EXPH5: variants seen among roughly 807,000 people sequenced by gnomAD.
The protein encoded by EXPH5 is exophilin-5.
EXPH5 carries 42 observed loss-of-function variants against 41.1 expected under a neutral mutation model. The observed-to-expected ratio is 1.02, with a 90% CI of 0.80 to 1.32. The LOEUF is 1.32. Among genes scored for constraint, EXPH5 ranks in the 40% most tolerant of loss-of-function variants. The probability of loss-of-function intolerance (pLI) is 0.00; values close to 1 mark genes in which losing one functional copy is unlikely to be tolerated. For missense variants in EXPH5, 2,298 were observed against 2,314.5 expected, an observed-to-expected ratio of 0.99 and a Z score of 0.15; for synonymous variants, 798 against 833.5, an observed-to-expected ratio of 0.96 and a Z score of 0.73.
chr11:108,541,636 A>C lies in EXPH5; in HGVS notation c.280+16T>G. On this transcript the variant is annotated intron_variant, in intron 2 of 5. Transcript: ENST00000265843. ...AAACAAAGAAATCAACTTTAAATCT[A>C]AAATCTTTTTCTTACCATTTTTTGC... 1 of 1,568,188 alleles carries C rather than the reference A, an allele frequency of 6.4e-7. No homozygotes were observed. The highest frequency in any genetic ancestry group is 8.7e-7 in the Non-Finnish European group (1 of 1,148,634).
At chr11:108,603,913 CTT>C in the EXPH5 span, among the ~76,000 whole-genome samples, 1 of 152,140 alleles carries the variant, frequency 6.6e-6, no homozygotes, top group African/African-American at 2.4e-5. Context: ...CGAACACAGA[CTT>C]CAGAGATCTT....
rs1332077133 is a variant in EXPH5 at position 108,593,696 on chromosome 11, C to T, written c.-160G>A. 3 of 1,546,896 alleles carry T rather than the reference C, an allele frequency of 1.9e-6. No homozygotes were observed. Among genetic ancestry groups the T allele is most frequent in the South Asian group, 2.3e-5 (2 of 85,872 alleles). ...AAACCACAAACCTAGGGAACGCCCACACCTGAAGGGCTCATATTGACAATA... is the reference window on the plus strand; with the variant it reads ...AAACCACAAACCTAGGGAACGCCCATACCTGAAGGGCTCATATTGACAATA... On this transcript the variant is annotated 5_prime_UTR_variant, in exon 1 of 6. It adds an upstream start codon to the 5' untranslated region. Coordinates refer to ENST00000265843, the MANE Select transcript of EXPH5 (RefSeq NM_015065.3).
At chr11:108,547,235 C>T (rs1244360002) in intron 1 of EXPH5, among the ~76,000 whole-genome samples, 1 of 151,976 alleles carries the variant, frequency 6.6e-6, no homozygotes, top group Non-Finnish European at 1.5e-5. Context: ...ACTCTGTTTT[C>T]CAGGCTGGAG....
chr11:108,591,796 T>C (rs2094128174), intron 1 of EXPH5, among the ~76,000 whole-genome samples: 1 of 152,106 alleles, frequency 6.6e-6, no homozygotes, highest in Admixed American at 6.5e-5. Flanking sequence ...TGAGTTGCAA[T>C]AGAGAAAACA....
chr11:108,579,860 G>C (rs1016873760), intron 1 of EXPH5, among the ~76,000 whole-genome samples: 1 of 152,080 alleles, frequency 6.6e-6, no homozygotes. Context: ...GTAGGAAAAG[G>C]GTTTTCTGGC....
At chr11:108,515,025 T>A (rs1264648365) in intron 5 of EXPH5, 150 bp from the exon 6 acceptor site, 1 of 456,108 alleles carries the variant, frequency 2.2e-6, no homozygotes, top group African/African-American at 2.0e-5. Context: ...TTTGATTATA[T>A]TTTTAAGATA....
intron 1 of EXPH5, among the ~76,000 whole-genome samples, chr11:108,545,996 T>C (rs1418885932): frequency 3.3e-5 from 5 of 151,346 alleles, no homozygotes; most frequent in African/African-American, 4.9e-5. Flanking sequence ...TGAGATGACA[T>C]AGGGCTGGAA....
the EXPH5 span, among the ~76,000 whole-genome samples, chr11:108,599,888 C>T: frequency 6.6e-6 from 1 of 152,226 alleles, no homozygotes; most frequent in African/African-American, 2.4e-5. Flanking sequence ...GAAGGAATGC[C>T]ATGCCTGCTC....
chr11:108,541,488 C>CT (rs547897353), intron 2 of EXPH5, among the ~76,000 whole-genome samples, 164 bp downstream of exon 2: 65 of 148,560 alleles, frequency 4.4e-4, no homozygotes, highest in Middle Eastern at 3.5e-3. Flanking sequence ...TTTCAGTTCA[C>CT]TTTTTTTTTT....
the EXPH5 span, among the ~76,000 whole-genome samples, chr11:108,603,493 A>G: frequency 2.6e-5 from 4 of 152,340 alleles, no homozygotes; most frequent in African/African-American, 9.6e-5. Flanking sequence ...CCTGGGCAAC[A>G]TAGTGAGAAT....
At position 108,514,272 on chromosome 11, in the gene EXPH5, T is replaced by C; in HGVS notation, c.1235A>G (p.Asn412Ser). The change falls in exon 6 of 6, where the codon AAT becomes AGT. Residue 412 changes from asparagine to serine, a missense_variant. Coordinates refer to ENST00000265843, the MANE Select transcript of EXPH5 (RefSeq NM_015065.3). ...KYVYPRGFQE[N>S]KRYESYHSQN... is the part of the protein sequence containing the mutation. ...TGAATGGTACGATTCATATCTCTTA[T>C]TCTCCTGAAAACCCCTGGGATACAC... 6.2e-7 allele frequency: 1 copy of C among 1,614,134 alleles called. No individual in the cohort carries two copies. The highest frequency in any genetic ancestry group is 8.5e-7 in the Non-Finnish European group (1 of 1,180,008).
At chr11:108,529,660 C>T (rs955337594) in intron 3 of EXPH5, among the ~76,000 whole-genome samples, 8 of 152,048 alleles carry the variant, frequency 5.3e-5, no homozygotes, top group Admixed American at 5.2e-4. Context: ...GCCTGACCAA[C>T]ATGGTGAAAC....
In EXPH5 at chr11:108,510,404, A is replaced by G. The variant is rs2093670420; in HGVS notation, c.5103T>C (p.Asn1701=). The G allele has an allele frequency of 1.2e-6, 2 of 1,613,880 alleles. No homozygotes were observed. The highest frequency in any genetic ancestry group is 1.7e-5 in the Admixed American group (1 of 59,898). ...KSNSISQRHQ[N]EFKNVSESPS... Reference sequence around the variant, plus strand: ...GTGATTCTGAGACGTTTTTAAACTCATTCTGATGTCGTTGTGAAATGCTGT... The same window carrying G: ...GTGATTCTGAGACGTTTTTAAACTCGTTCTGATGTCGTTGTGAAATGCTGT... Residue 1701 remains asparagine, a synonymous_variant, in exon 6 of 6, where the codon AAT becomes AAC. Coordinates refer to ENST00000265843, the MANE Select transcript of EXPH5 (RefSeq NM_015065.3).
rs1166675051 is a variant in EXPH5 at position 108,512,253 on chromosome 11, A to C, written c.3254T>G (p.Leu1085Arg). 9 of 1,611,518 alleles carry C rather than the reference A, an allele frequency of 5.6e-6. No homozygotes were observed. The highest frequency in any genetic ancestry group is 6.8e-6 in the Non-Finnish European group (8 of 1,179,270). ...PESANECSKV[L>R]SDSALEAPEA... ...AGGTGCTTCCAGGGCTGAGTCTGAA[A>C]GGACTTTGGAACATTCATTCGCTGA... Residue 1085 changes from leucine (L) to arginine (R), a missense_variant, in exon 6 of 6, where the codon CTT becomes CGT. Coordinates refer to ENST00000265843, the MANE Select transcript of EXPH5 (RefSeq NM_015065.3).
chr11:108,583,722 C>T (rs184059162), intron 1 of EXPH5, among the ~76,000 whole-genome samples: 3 of 151,878 alleles, frequency 2.0e-5, no homozygotes, highest in East Asian at 1.9e-4. Context: ...TAGCTAACAT[C>T]GTAGTTCATA....
rs778702199 is a variant in EXPH5, at chr11:108,539,106, A to T, written c.361T>A (p.Phe121Ile). The change falls in exon 3 of 6, where the codon TTC becomes ATC. Residue 121 changes from phenylalanine (F) to isoleucine (I), a missense_variant. Phe to Ile is a conservative substitution (Grantham distance 21, BLOSUM62 0). Transcript: ENST00000265843. ...KPTPFSSRMSFRSSFASLFSF... is the reference protein window; with the variant it reads ...KPTPFSSRMSIRSSFASLFSF... ...AACAGGGAAGCAAATGACGATCTGAAGCTCATCCGGGAAGAAAAAGGTGTC... is the reference window on the plus strand; with the variant it reads ...AACAGGGAAGCAAATGACGATCTGATGCTCATCCGGGAAGAAAAAGGTGTC... The T allele has an allele frequency of 6.2e-7, 1 of 1,612,248 alleles. No homozygotes were observed. The highest frequency in any genetic ancestry group is 1.1e-5 in the South Asian group (1 of 90,680).
chr11:108,543,743 G>C (rs1317686843), intron 1 of EXPH5, among the ~76,000 whole-genome samples: 1 of 152,154 alleles, frequency 6.6e-6, no homozygotes, highest in Non-Finnish European at 1.5e-5. Context: ...CGAGAAAGAA[G>C]CCAGAGGTCA....
intron 1 of EXPH5, among the ~76,000 whole-genome samples, chr11:108,543,285 T>G (rs2093922199): frequency 6.6e-6 from 1 of 152,178 alleles, no homozygotes; most frequent in Non-Finnish European, 1.5e-5. Flanking sequence ...AATCACTGGT[T>G]GTTGTGATTT....
intron 5 of EXPH5, among the ~76,000 whole-genome samples, chr11:108,515,168 T>A (rs551258446): frequency 1.3e-5 from 2 of 148,524 alleles, no homozygotes; most frequent in South Asian, 4.1e-4. Flanking sequence ...TTAATCATGT[T>A]TTTTTTTAGT....
Sources: allele counts gnomAD v4.1 joint callset (sites outside exome capture counted in the v4.1 genomes callset), GRCh38; gene constraint gnomAD v4.1.1; transcripts MANE v1.5; gene names NCBI Gene and HGNC (gene_info 2026-07-23, HGNC 2026-07-21).